CCND3: variants seen among roughly 807,000 people sequenced by gnomAD.
CCND3 encodes cyclin D3.
CCND3 carries 9 observed loss-of-function variants against 28.7 expected under a neutral mutation model. The observed-to-expected ratio is 0.31, with a 90% CI of 0.19 to 0.55. The LOEUF is 0.55. Among genes scored for constraint, CCND3 ranks in the 20% least tolerant of loss-of-function variants. The probability of loss-of-function intolerance (pLI) is 0.93; values close to 1 mark genes in which losing one functional copy is unlikely to be tolerated. For missense variants in CCND3, 315 were observed against 385.8 expected (o/e 0.82, Z 1.54); for synonymous variants, 164 against 163.9 (o/e 1.00, Z 0.00).
intron 1 of CCND3, among the ~76,000 whole-genome samples, chr6:41,997,686 G>C (rs1436818119): frequency 6.6e-6 from 1 of 152,090 alleles, no homozygotes; most frequent in Non-Finnish European, 1.5e-5. Context: ...GAGCCCAGGA[G>C]TTTAAGACCA....
chr6:41,955,325 C>A (rs1218502574), intron 1 of CCND3, among the ~76,000 whole-genome samples: 1 of 151,798 alleles, frequency 6.6e-6, no homozygotes, highest in East Asian at 1.9e-4. Flanking sequence ...CTGATTCCAG[C>A]CAATATGTAA....
chr6:41,998,174 G>C (rs1365013792), intron 1 of CCND3, among the ~76,000 whole-genome samples: 2 of 151,280 alleles, frequency 1.3e-5, no homozygotes, highest in Non-Finnish European at 2.9e-5. Flanking sequence ...TGTAATCCCA[G>C]GTATTCAGGA....
At position 41,940,801 on chromosome 6, in the gene CCND3, G is replaced by C. The variant is rs1255570093; in HGVS notation, c.199-216C>G. ...GGCCTCCTCCCCTCTCCCCTTGACGGGGGAGTGGTAAAGCCAAGGAGCCCT... is the reference window on the plus strand; with the variant it reads ...GGCCTCCTCCCCTCTCCCCTTGACGCGGGAGTGGTAAAGCCAAGGAGCCCT... On this transcript the variant is annotated intron_variant, in intron 1 of 4. Coordinates refer to ENST00000372991, the MANE Select transcript of CCND3 (RefSeq NM_001760.5). 13 of 910,188 alleles carry C rather than the reference G, an allele frequency of 1.4e-5. No homozygotes were observed. In the African/African-American group the frequency reaches 2.0e-4, roughly 14 times the overall value. The allele number at this position is 910,188 out of a possible 1,614,324, so 56.4% of individuals were successfully genotyped here.
chr6:41,975,944 C>T (rs1374093954), intron 1 of CCND3, among the ~76,000 whole-genome samples: 1 of 151,990 alleles, frequency 6.6e-6, no homozygotes, highest in Non-Finnish European at 1.5e-5. Flanking sequence ...CAGGCTCAAG[C>T]AGTCCTCCCA....
chr6:41,953,458 G>A (rs768913902), intron 1 of CCND3, among the ~76,000 whole-genome samples: 41 of 152,012 alleles, frequency 2.7e-4, no homozygotes, highest in Non-Finnish European at 5.1e-4. Flanking sequence ...TAATGCATGA[G>A]TTAAAAAGCA....
chr6:42,022,840 A>T (rs1344797146), intron 1 of CCND3, among the ~76,000 whole-genome samples: 1 of 152,190 alleles, frequency 6.6e-6, no homozygotes, highest in Non-Finnish European at 1.5e-5. Flanking sequence ...TACCACCAGG[A>T]GAGAGATGGG....
chr6:41,960,228 G>C (rs576949024), intron 1 of CCND3, among the ~76,000 whole-genome samples: 1 of 152,284 alleles, frequency 6.6e-6, no homozygotes, highest in South Asian at 2.1e-4. Flanking sequence ...GCCAGTGACT[G>C]GGTGGTGGTG....
intron 1 of CCND3, among the ~76,000 whole-genome samples, chr6:41,973,404 C>A (rs1013795692): frequency 2.0e-5 from 3 of 152,122 alleles, no homozygotes; most frequent in Non-Finnish European, 4.4e-5. Flanking sequence ...TGGAAACAAT[C>A]AAAATATCCA....
chr6:41,990,077 A>AAACT (rs1484616124), intron 1 of CCND3, among the ~76,000 whole-genome samples: 1 of 152,228 alleles, frequency 6.6e-6, no homozygotes, highest in Non-Finnish European at 1.5e-5. Flanking sequence ...GACTACCAAA[A>AAACT]AACTGATAAA....
At chr6:41,978,763 T>C (rs1392002803) in intron 1 of CCND3, among the ~76,000 whole-genome samples, 1 of 152,190 alleles carries the variant, frequency 6.6e-6, no homozygotes, top group African/African-American at 2.4e-5. Context: ...GTCATCTCTA[T>C]ATGGGTGGTT....
intron 1 of CCND3, among the ~76,000 whole-genome samples, chr6:41,979,449 G>T (rs1177422657): frequency 6.7e-6 from 1 of 150,204 alleles, no homozygotes; most frequent in Non-Finnish European, 1.5e-5. Context: ...CAGGAGAATG[G>T]CATGAACCTG....
At chr6:42,036,668 T>C (rs1440185509) in intron 1 of CCND3, among the ~76,000 whole-genome samples, 1 of 151,786 alleles carries the variant, frequency 6.6e-6, no homozygotes, top group African/African-American at 2.4e-5. Context: ...CCTCCCAAAG[T>C]GCTGAGATTA....
At chr6:41,940,647 T>A in intron 1 of CCND3, 62 bp from the exon 2 acceptor site, 2 of 992,324 alleles carry the variant, frequency 2.0e-6, no homozygotes, top group Non-Finnish European at 3.1e-6. Flanking sequence ...AGCGGGGGGG[T>A]GGGAGCGCTG....
In CCND3 at chr6:41,961,023, G is replaced by A. The variant is rs756275033; in HGVS notation, c.-45-20438C>T. Among the ~76,000 whole-genome samples, 28 of 152,204 alleles carry A rather than the reference G, an allele frequency of 1.8e-4. 1 individual carries two copies. The highest frequency in any genetic ancestry group is 3.8e-4 in the Non-Finnish European group (26 of 68,044). ...TGGTCATGTGCAGGGGAAGAGGACA[G>A]CACACACAAAGGCCAAGGAAAGAAG... On this transcript the variant is annotated intron_variant, in intron 1 of 4. Transcript: ENST00000372988.
intron 1 of CCND3, among the ~76,000 whole-genome samples, chr6:42,025,404 C>T (rs970552427): frequency 6.6e-6 from 1 of 152,204 alleles, no homozygotes; most frequent in Admixed American, 6.5e-5. Flanking sequence ...GAACTAGGGC[C>T]ACGGGTAATG....
chr6:41,964,463 AGTGTGT>A (rs10526814), intron 1 of CCND3, among the ~76,000 whole-genome samples: 3 of 146,112 alleles, frequency 2.1e-5, no homozygotes, highest in East Asian at 2.2e-4. Context: ...TCTGTGTGTG[AGTGTGT>A]GTGTGAGTGT....
At chr6:42,016,826 C>A (rs530242213) in intron 1 of CCND3, among the ~76,000 whole-genome samples, 1 of 152,238 alleles carries the variant, frequency 6.6e-6, no homozygotes, top group Admixed American at 6.5e-5. Flanking sequence ...CTCAAGTTAT[C>A]CAACCACCAT....
intron 1 of CCND3, among the ~76,000 whole-genome samples, chr6:42,046,479 G>A (rs1051985301): frequency 6.6e-6 from 1 of 152,228 alleles, no homozygotes; most frequent in South Asian, 2.1e-4. Context: ...CAAAAGAGGT[G>A]TCTTGGTTTC....
chr6:42,024,451 G>A (rs1273652839), intron 1 of CCND3, among the ~76,000 whole-genome samples: 3 of 151,928 alleles, frequency 2.0e-5, no homozygotes, highest in African/African-American at 7.3e-5. Context: ...GCTGGTGTGT[G>A]GAAGAGGCAG....
Sources: gnomAD v4.1 joint callset for allele counts (sites outside exome capture counted in the v4.1 genomes callset) on GRCh38, gnomAD v4.1.1 for gene constraint, MANE v1.5 for transcripts, NCBI Gene and HGNC (gene_info 2026-07-23, HGNC 2026-07-21) for gene names.